Variants in ERC1 observed in about 807,000 individuals in gnomAD.
ERC1 encodes ELKS/RAB6-interacting/CAST family member 1.
ERC1 carries 56 observed loss-of-function variants against 132.0 expected under a neutral mutation model. That is an observed-to-expected ratio of 0.42 (90% CI 0.34 to 0.53). The LOEUF is 0.53. ERC1 is among the 20% of genes least tolerant of loss of function. ERC1 has a pLI of 0.03. For synonymous variants in ERC1, 478 were observed against 476.1 expected, an observed-to-expected ratio of 1.00 and a Z score of -0.05; for missense variants, 1,202 against 1,349.9, an observed-to-expected ratio of 0.89 and a Z score of 1.72.
rs1267653878 is a variant in ERC1, at chr12:1,094,304, C to G, written c.1087-10446C>G. Among the ~76,000 whole-genome samples the G allele has an allele frequency of 3.3e-5, 5 of 151,926 alleles. No homozygotes were observed. In the East Asian group the frequency reaches 9.7e-4, roughly 29 times the overall value. On this transcript the variant is annotated intron_variant, in intron 3 of 18. Coordinates refer to ENST00000360905, the MANE Select transcript of ERC1 (RefSeq NM_178040.4). Reference sequence around the variant, plus strand: ...AAAGTGCTGGGACAACAGGCATGAGCCACCACACCCGGCCAAAAAAGAAAA... The same window carrying G: ...AAAGTGCTGGGACAACAGGCATGAGGCACCACACCCGGCCAAAAAAGAAAA...
Position 1,182,000 on chromosome 12 carries a change from A to T in ERC1, c.1951A>T (p.Lys651Ter). Residue 651 changes from lysine to a stop codon, truncating the protein, a stop_gained, in exon 10 of 19, where the codon AAA becomes TAA. Coordinates refer to ENST00000360905, the MANE Select transcript of ERC1 (RefSeq NM_178040.4). LOFTEE classifies it high-confidence loss of function. ...GAAGCAAGAGGAAATTGATAACTAC[A>T]AAAAAGATCTTAAAGACTTGAAGGA... ...REKQEEIDNY[K>*]KDLKDLKEKV... 1 of 1,614,046 alleles carries T rather than the reference A, an allele frequency of 6.2e-7. No homozygotes were observed. The highest frequency in any genetic ancestry group is 1.1e-5 in the South Asian group (1 of 91,066).
At chr12:1,208,947 C>G (rs755338026) in intron 12 of ERC1, among the ~76,000 whole-genome samples, 1 of 145,586 alleles carries the variant, frequency 6.9e-6, no homozygotes, top group Non-Finnish European at 1.5e-5. Context: ...CTTGCCACCA[C>G]GCCCAGCTGA....
chr12:998,405 A>G (rs181658257), intron 1 of ERC1: 17 of 152,296 alleles, frequency 1.1e-4, no homozygotes, highest in Admixed American at 9.8e-4. Flanking sequence ...TCAAAGCGCT[A>G]CTTGGGGAGG....
intron 12 of ERC1, among the ~76,000 whole-genome samples, chr12:1,213,336 A>T (rs974399695): frequency 5.3e-5 from 8 of 152,198 alleles, no homozygotes; most frequent in African/African-American, 1.4e-4. Context: ...GGAAGAACTA[A>T]ACTCATCTGG....
rs1218437216 is a variant in ERC1 at position 1,357,228 on chromosome 12, CT to C, written c.2781-14604del. 3.9e-5 allele frequency among the ~76,000 whole-genome samples: 6 copies of C among 152,280 alleles called. No individual in the cohort carries two copies. The South Asian group carries it at 8.3e-4, about 21-fold the overall frequency. ...AAGACACAGTTGGATCTTGATTTTGCTGGAGGTGGAGACCTGAGTGCCCTGA... is the reference window on the plus strand; with the variant it reads ...AAGACACAGTTGGATCTTGATTTTGCGGAGGTGGAGACCTGAGTGCCCTGA... On this transcript the variant is annotated intron_variant, in intron 15 of 18. Coordinates refer to ENST00000360905, the MANE Select transcript of ERC1 (RefSeq NM_178040.4).
At position 1,207,946 on chromosome 12, in the gene ERC1, A is replaced by G. The variant is rs540746284; in HGVS notation, c.2351+17894A>G. Among the ~76,000 whole-genome samples the G allele has an allele frequency of 7.2e-5, 11 of 152,258 alleles. 1 individual carries two copies. The South Asian group carries it at 2.3e-3, about 32-fold the overall frequency. ...TCTTTTAGTATGTCTTATAATAACT[A>G]TTGGGCCATACTTACTCTGGCACCC... On this transcript the variant is annotated intron_variant, in intron 12 of 18. Coordinates refer to ENST00000360905, the MANE Select transcript of ERC1 (RefSeq NM_178040.4).
Position 1,393,345 on chromosome 12 carries a change from C to T in ERC1, c.2926-14804C>T, listed in dbSNP as rs117058628. On this transcript the variant is annotated intron_variant, in intron 16 of 18. Transcript: ENST00000360905. Reference sequence around the variant, plus strand: ...AGGAGTTAGTGACGAGCCTGAGCAACGTGGGGAAACCTCATCTCTACACAA... The same window carrying T: ...AGGAGTTAGTGACGAGCCTGAGCAATGTGGGGAAACCTCATCTCTACACAA... 1.1e-4 allele frequency among the ~76,000 whole-genome samples: 16 copies of T among 152,122 alleles called. No homozygotes were observed. In the East Asian group the frequency reaches 2.5e-3, roughly 24 times the overall value.
At chr12:1,131,670 T>A (rs1375022839) in intron 7 of ERC1, among the ~76,000 whole-genome samples, 3 of 152,172 alleles carry the variant, frequency 2.0e-5, no homozygotes, top group Non-Finnish European at 2.9e-5. Flanking sequence ...TTTCACCCTG[T>A]TAGCCAGGAT....
chr12:1,399,780 A>G (rs2090862305), intron 16 of ERC1, among the ~76,000 whole-genome samples: 1 of 152,156 alleles, frequency 6.6e-6, no homozygotes, highest in Admixed American at 6.5e-5. Flanking sequence ...TTATGTATCC[A>G]TTCATAAGTT....
intron 2 of ERC1, among the ~76,000 whole-genome samples, chr12:1,067,926 C>CTTTTTTTTTTTT (rs71441641): frequency 8.3e-6 from 1 of 120,980 alleles, no homozygotes; most frequent in African/African-American, 3.2e-5. Context: ...TTAGCCACTG[C>CTTTTTTTTTTTT]TTTTTTTTTT....
chr12:1,342,682 T>C (rs2084037246), intron 15 of ERC1, among the ~76,000 whole-genome samples: 1 of 152,286 alleles, frequency 6.6e-6, no homozygotes. Flanking sequence ...GTATTCTTAG[T>C]TGATAAAATA....
intron 13 of ERC1, among the ~76,000 whole-genome samples, chr12:1,261,259 C>T (rs570460825): frequency 2.6e-5 from 4 of 152,288 alleles, no homozygotes; most frequent in African/African-American, 9.6e-5. Context: ...TTGCAAAAAA[C>T]AGTTTAAGAG....
At position 1,491,999 on chromosome 12, in the gene ERC1, T is replaced by G. The variant is rs1328169258; in HGVS notation, c.*1769T>G. ...ACTTACTCAGAGAATTTAAAGTCTG[T>G]AGAGTCAGCACAGCCCCATCAGTCC... is the stretch of plus-strand genomic sequence containing the variant. On this transcript the variant is annotated 3_prime_UTR_variant, in exon 19 of 19. Coordinates refer to ENST00000360905, the MANE Select transcript of ERC1 (RefSeq NM_178040.4). The G allele has an allele frequency of 8.6e-6, 2 of 232,822 alleles. No individual in the cohort carries two copies. The highest frequency in any genetic ancestry group is 1.7e-5 in the Non-Finnish European group (2 of 117,836). The allele number at this position is 232,822 out of a possible 1,614,324, so 14.4% of individuals were successfully genotyped here.
intron 2 of ERC1, among the ~76,000 whole-genome samples, chr12:1,042,812 A>C (rs957607185): frequency 6.6e-6 from 1 of 152,080 alleles, no homozygotes; most frequent in Admixed American, 6.6e-5. Flanking sequence ...ATTATCTTTC[A>C]TGGATTTGAT....
rs986234798 is a variant in ERC1 at position 1,360,620 on chromosome 12, T to C, written c.2781-11213T>C. On this transcript the variant is annotated intron_variant, in intron 15 of 18. Transcript: ENST00000360905. ...GTCATAATTCCAAATATTTAAATAA[T>C]GCAATAAAACTGTGAAGCTTAAAGA... Among the ~76,000 whole-genome samples, 11 of 152,210 alleles carry C rather than the reference T, an allele frequency of 7.2e-5. No individual in the cohort carries two copies. The East Asian group carries it at 2.1e-3, about 29-fold the overall frequency.
rs867817841 is a variant in ERC1, at chr12:1,179,601, G to T, written c.1738-939G>T. Among the ~76,000 whole-genome samples, 3 of 142,362 alleles carry T rather than the reference G, an allele frequency of 2.1e-5. No individual in the cohort carries two copies. The South Asian group carries it at 6.7e-4, about 32-fold the overall frequency. 93.4% of individuals were successfully genotyped at this position (142,362 alleles called of 152,430 possible). A position where few individuals can be genotyped will look rare whatever the true frequency, so the allele number is the denominator to read the frequency against. On this transcript the variant is annotated intron_variant, in intron 8 of 18. Transcript: ENST00000360905. ...CGGCTCACTGCAGGCTCCGCCTCCC[G>T]GGTTCACGCCATTCTCCTGCCTCAG...
At chr12:1,169,642 C>A (rs144905700) in intron 8 of ERC1, among the ~76,000 whole-genome samples, 3 of 152,314 alleles carry the variant, frequency 2.0e-5, no homozygotes, top group Non-Finnish European at 4.4e-5. Context: ...AAGTCAGCAT[C>A]TTTCAACCCA....
chr12:1,372,092 A>G (rs1456421007), intron 16 of ERC1, 115 bp downstream of exon 16: 4 of 1,242,904 alleles, frequency 3.2e-6, no homozygotes, highest in Middle Eastern at 2.9e-4. Context: ...ACATCTGATC[A>G]TTGGAGCTAG....
chr12:1,483,701 T>TTTG (rs2094137600), intron 18 of ERC1, among the ~76,000 whole-genome samples: 4 of 105,392 alleles, frequency 3.8e-5, no homozygotes, highest in Non-Finnish European at 7.3e-5. Flanking sequence ...TTTTTTTTTT[T>TTTG]TTTTTGGAGA....
Sources: gnomAD v4.1 joint callset for allele counts (sites outside exome capture counted in the v4.1 genomes callset) on GRCh38, gnomAD v4.1.1 for gene constraint, MANE v1.5 for transcripts, NCBI Gene and HGNC (gene_info 2026-07-23, HGNC 2026-07-21) for gene names.